Variants in ADGRV1 observed in about 807,000 individuals in gnomAD.
ADGRV1 encodes adhesion G protein-coupled receptor V1.
Under a neutral mutation model 596.2 loss-of-function variants are expected in ADGRV1, and 359 were observed. The ratio of observed to expected loss-of-function variants is 0.60; its 90% CI spans 0.55 to 0.66. The LOEUF (loss-of-function observed/expected upper bound fraction) is 0.66. Among genes scored for constraint, ADGRV1 ranks in the 30% least tolerant of loss-of-function variants. ADGRV1 has a pLI of 0.00. For missense variants in ADGRV1, 7,274 were observed against 7,575.6 expected (o/e 0.96, Z 1.48); for synonymous variants, 2,681 against 2,679.2 (o/e 1.00, Z -0.02).
At chr5:90,681,523 A>AGT (rs1407967950) in intron 27 of ADGRV1, 69 bp downstream of exon 27, 1 of 1,449,046 alleles carries the variant, frequency 6.9e-7, no homozygotes, top group African/African-American at 1.4e-5. Context: ...GTGCTATGAA[A>AGT]GTGTGTTTTA....
chr5:90,924,749 G>A (rs1040319469), intron 83 of ADGRV1, among the ~76,000 whole-genome samples: 3 of 151,924 alleles, frequency 2.0e-5, no homozygotes, highest in African/African-American at 7.3e-5. Flanking sequence ...TTTCTTCTAG[G>A]GTTTTTATGG....
intron 86 of ADGRV1, among the ~76,000 whole-genome samples, chr5:91,089,467 TTG>T (rs915348750): frequency 1.3e-5 from 2 of 152,082 alleles, no homozygotes; most frequent in African/African-American, 2.4e-5. Context: ...TATTACAGTT[TTG>T]TGTGTGATGG....
At chr5:90,605,806 G>A (rs909621515) in intron 1 of ADGRV1, among the ~76,000 whole-genome samples, 1 of 152,116 alleles carries the variant, frequency 6.6e-6, no homozygotes, top group African/African-American at 2.4e-5. Flanking sequence ...AAATGATAAG[G>A]TAAGGTTTCT....
chr5:91,162,750 T>C (rs1797062071), intron 89 of ADGRV1, among the ~76,000 whole-genome samples: 1 of 152,190 alleles, frequency 6.6e-6, no homozygotes, highest in South Asian at 2.1e-4. Flanking sequence ...ACTAGTAGGC[T>C]CTGGCTTCCA....
chr5:90,603,877 T>C (rs1761734792), intron 1 of ADGRV1, among the ~76,000 whole-genome samples: 1 of 126,626 alleles, frequency 7.9e-6, no homozygotes, highest in African/African-American at 2.6e-5. Context: ...TGAGCGTGCA[T>C]GTGTGTGTAC....
chr5:91,076,634 G>A (rs916962698), intron 86 of ADGRV1, among the ~76,000 whole-genome samples: 3 of 152,032 alleles, frequency 2.0e-5, no homozygotes, highest in African/African-American at 7.2e-5. Context: ...TTAATTCTCT[G>A]ATCTGTTTGT....
chr5:90,774,193 C>T lies in ADGRV1; in HGVS notation c.12293C>T (p.Ser4098Phe), dbSNP rs774732208. ...TTCTGTCATTGGATGTAGACTGAGT[C>T]CCAGAAGACCATTGTGTTGCACACA... is the stretch of plus-strand genomic sequence containing the variant. ...NGTLHFDETE[S>F]QKTIVLHTLQ... Residue 4098 changes from serine (S) to phenylalanine (F), a missense_variant, in exon 60 of 90, where the codon TCC becomes TTC. By Grantham distance (155) the Ser-to-Phe change is radical (BLOSUM62 -2). This residue lies in a region of ADGRV1 where 3,643 missense variants were observed against 3,809.2 expected (regional missense o/e 0.96). Transcript: ENST00000405460. 3 of 1,595,610 alleles carry T rather than the reference C, an allele frequency of 1.9e-6. No homozygotes were observed. The highest frequency in any genetic ancestry group is 2.6e-6 in the Non-Finnish European group (3 of 1,166,286).
chr5:91,129,990 A>G (rs1248253942), intron 87 of ADGRV1, among the ~76,000 whole-genome samples: 1 of 152,190 alleles, frequency 6.6e-6, no homozygotes, highest in East Asian at 1.9e-4. Context: ...GGCCTGTTTG[A>G]GAGATCTGTG....
intron 71 of ADGRV1, among the ~76,000 whole-genome samples, chr5:90,804,263 G>A (rs189364813): frequency 3.3e-5 from 5 of 152,248 alleles, no homozygotes; most frequent in African/African-American, 9.6e-5. Context: ...TTAGCTGCAT[G>A]TGGTGGCATA....
chr5:90,686,926 A>G (rs1745738693), intron 29 of ADGRV1, among the ~76,000 whole-genome samples: 1 of 152,144 alleles, frequency 6.6e-6, no homozygotes, highest in Non-Finnish European at 1.5e-5. Context: ...GTGAGATGGT[A>G]TCTCATTGTG....
At chr5:90,583,444 A>AT (rs1209707331) in intron 1 of ADGRV1, among the ~76,000 whole-genome samples, 2 of 152,054 alleles carry the variant, frequency 1.3e-5, no homozygotes, top group Non-Finnish European at 2.9e-5. Flanking sequence ...TTTTATAATG[A>AT]TTTTTAGTGA....
At chr5:90,956,031 A>G (rs896727552) in intron 83 of ADGRV1, among the ~76,000 whole-genome samples, 8 of 152,320 alleles carry the variant, frequency 5.3e-5, no homozygotes, top group South Asian at 4.1e-4. Flanking sequence ...TTAGATTTAT[A>G]TAGAATTTTA....
intron 11 of ADGRV1, among the ~76,000 whole-genome samples, chr5:90,639,882 A>G (rs899629916): frequency 6.6e-6 from 1 of 152,198 alleles, no homozygotes; most frequent in African/African-American, 2.4e-5. Flanking sequence ...TCACATCACA[A>G]TATTGCAATG....
chr5:90,830,553 AAAG>A (rs1764440608), intron 77 of ADGRV1, among the ~76,000 whole-genome samples: 1 of 152,160 alleles, frequency 6.6e-6, no homozygotes, highest in Admixed American at 6.6e-5. Context: ...GAAGTTGCCA[AAAG>A]AAGAATCTGA....
intron 1 of ADGRV1, among the ~76,000 whole-genome samples, chr5:90,574,074 C>T (rs1580315831): frequency 1.3e-5 from 2 of 152,074 alleles, no homozygotes; most frequent in South Asian, 4.1e-4. Context: ...TATAGTTTGA[C>T]ATCTGGTAGT....
rs914915563 is a variant in ADGRV1, at chr5:91,121,988, G to T, written c.18432+19648G>T. 2.6e-5 allele frequency among the ~76,000 whole-genome samples: 4 copies of T among 151,914 alleles called. No homozygotes were observed. The South Asian group carries it at 8.3e-4, about 32-fold the overall frequency. On this transcript the variant is annotated intron_variant, in intron 87 of 89. Coordinates refer to ENST00000405460, the MANE Select transcript of ADGRV1 (RefSeq NM_032119.4). Reference sequence around the variant, plus strand: ...AGAGAAGAAAAAAAAAACAAACTTGGACCATTAACTTGTTATTGAACTTCA... The same window carrying T: ...AGAGAAGAAAAAAAAAACAAACTTGTACCATTAACTTGTTATTGAACTTCA...
At chr5:90,899,360 C>A (rs1191152758) in intron 83 of ADGRV1, 1 of 152,148 alleles carries the variant, frequency 6.6e-6, no homozygotes, top group Non-Finnish European at 1.5e-5. Flanking sequence ...TTTCTGGCCT[C>A]CAGTCCACTT....
rs562689565 is a variant in ADGRV1 at position 90,562,953 on chromosome 5, T to C, written c.22+4036T>C. 2.6e-5 allele frequency among the ~76,000 whole-genome samples: 4 copies of C among 152,348 alleles called. 1 individual carries two copies. In the South Asian group the frequency reaches 8.3e-4, roughly 32 times the overall value. The stretch of plus-strand genomic sequence containing the variant: ...CTTCTTTCCCTAGGCATATTTTCTT[T>C]GTTTATACTATACATTTGAGCAGAG... On this transcript the variant is annotated intron_variant, in intron 1 of 89. Transcript: ENST00000405460.
intron 84 of ADGRV1, among the ~76,000 whole-genome samples, chr5:90,966,525 T>C (rs1581654013): frequency 1.2e-5 from 1 of 82,468 alleles, no homozygotes; most frequent in African/African-American, 4.8e-5. Flanking sequence ...AAAGCGAAAC[T>C]CTGCCAAAAA....
Sources: allele counts gnomAD v4.1 joint callset (sites outside exome capture counted in the v4.1 genomes callset), GRCh38; gene constraint gnomAD v4.1.1; regional missense constraint gnomAD v4.1.1; transcripts MANE v1.5; gene names NCBI Gene and HGNC (gene_info 2026-07-23, HGNC 2026-07-21).